Variants in NAV2 observed in about 807,000 individuals in gnomAD.
NAV2 encodes the protein helicase, APC down-regulated 1.
NAV2 carries 54 observed loss-of-function variants against 223.2 expected under a neutral mutation model. The observed-to-expected ratio is 0.24, with a 90% CI of 0.19 to 0.30. The LOEUF (loss-of-function observed/expected upper bound fraction) is 0.30. NAV2 is among the 10% of genes least tolerant of loss of function. The pLI is 1.00. For synonymous variants in NAV2, 1,279 were observed against 1,239.3 expected, an observed-to-expected ratio of 1.03 and a Z score of -0.67; for missense variants, 2,806 against 3,147.5, an observed-to-expected ratio of 0.89 and a Z score of 2.60.
chr11:20,046,280 G>A lies in NAV2; in HGVS notation c.3902+610G>A, dbSNP rs552779777. ...GAACCCAGGAGGCGGAGGTTGCAGTGAGCCAAGATCACACCACTGCACTCC... is the reference window on the plus strand; with the variant it reads ...GAACCCAGGAGGCGGAGGTTGCAGTAAGCCAAGATCACACCACTGCACTCC... On this transcript the variant is annotated intron_variant, in intron 14 of 37. Coordinates refer to ENST00000349880, the MANE Select transcript of NAV2 (RefSeq NM_145117.5). 6.0e-5 allele frequency among the ~76,000 whole-genome samples: 9 copies of A among 150,500 alleles called. No homozygotes were observed. The South Asian group carries it at 1.7e-3, about 28-fold the overall frequency.
At chr11:20,032,842 T>C (rs2055913493) in intron 11 of NAV2, among the ~76,000 whole-genome samples, 1 of 152,172 alleles carries the variant, frequency 6.6e-6, no homozygotes, top group African/African-American at 2.4e-5. Flanking sequence ...ATTGAGTTTG[T>C]CAGGAGGTAT....
At chr11:19,681,723 A>G (rs2048885141) in intron 1 of NAV2, among the ~76,000 whole-genome samples, 1 of 152,164 alleles carries the variant, frequency 6.6e-6, no homozygotes, top group Non-Finnish European at 1.5e-5. Context: ...TATACAGAAC[A>G]TGTATTCAGT....
At chr11:19,624,390 C>G (rs2047100708) in intron 1 of NAV2, among the ~76,000 whole-genome samples, 2 of 152,206 alleles carry the variant, frequency 1.3e-5, no homozygotes, top group Non-Finnish European at 2.9e-5. Context: ...GCAGGCAGGC[C>G]TCCTCGAGCT....
chr11:19,893,509 C>T (rs2041685493), intron 6 of NAV2, among the ~76,000 whole-genome samples: 1 of 152,168 alleles, frequency 6.6e-6, no homozygotes, highest in Admixed American at 6.5e-5. Context: ...GGGACATGGG[C>T]AGCCCTCCTA....
At chr11:19,545,024 G>C (rs911207778) in intron 1 of NAV2, among the ~76,000 whole-genome samples, 3 of 152,220 alleles carry the variant, frequency 2.0e-5, no homozygotes, top group Non-Finnish European at 4.4e-5. Flanking sequence ...TTCAGCCCCA[G>C]AGACAGCAAA....
At chr11:19,884,208 G>T (rs1189874364) in intron 5 of NAV2, 3 of 978,982 alleles carry the variant, frequency 3.1e-6, no homozygotes, top group Non-Finnish European at 4.8e-6. Context: ...CATCCCCATT[G>T]TCAGAAGACT....
At chr11:19,363,363 T>C (rs1459944224) in intron 1 of NAV2, among the ~76,000 whole-genome samples, 1 of 152,358 alleles carries the variant, frequency 6.6e-6, no homozygotes, top group South Asian at 2.1e-4. Flanking sequence ...TGCCACATTT[T>C]CTTTATCCAG....
chr11:19,694,070 C>G (rs1484953053), intron 1 of NAV2, among the ~76,000 whole-genome samples: 2 of 152,134 alleles, frequency 1.3e-5, no homozygotes, highest in African/African-American at 2.4e-5. Context: ...TCACAATAAC[C>G]CAACAGGGTG....
At chr11:19,873,529 A>G (rs896653251) in intron 4 of NAV2, among the ~76,000 whole-genome samples, 3 of 152,284 alleles carry the variant, frequency 2.0e-5, no homozygotes, top group Middle Eastern at 3.4e-3. Flanking sequence ...GAAGGAGTGT[A>G]TGCTTTGAAG....
At chr11:19,427,220 C>A (rs1329732560) in intron 1 of NAV2, among the ~76,000 whole-genome samples, 1 of 152,218 alleles carries the variant, frequency 6.6e-6, no homozygotes, top group Non-Finnish European at 1.5e-5. Flanking sequence ...GAGTCTCTTT[C>A]CTCCCCTGCA....
intron 3 of NAV2, among the ~76,000 whole-genome samples, chr11:19,861,903 C>T (rs1040747354): frequency 2.6e-5 from 4 of 152,206 alleles, no homozygotes; most frequent in African/African-American, 9.7e-5. Flanking sequence ...ATAGGGTCTA[C>T]CATCTCTAAA....
intron 14 of NAV2, among the ~76,000 whole-genome samples, chr11:20,048,107 C>T (rs1361243232): frequency 2.0e-5 from 3 of 152,172 alleles, no homozygotes; most frequent in African/African-American, 7.2e-5. Flanking sequence ...GTCTTGTGAA[C>T]CAAGCAAGAT....
At chr11:20,009,641 G>A (rs2053402322) in intron 11 of NAV2, among the ~76,000 whole-genome samples, 1 of 152,092 alleles carries the variant, frequency 6.6e-6, no homozygotes, top group Middle Eastern at 3.2e-3. Context: ...GCCTGTCTAT[G>A]AGCTTCCGAT....
intron 1 of NAV2, among the ~76,000 whole-genome samples, chr11:19,522,461 T>C (rs751660269): frequency 1.1e-4 from 16 of 152,200 alleles, no homozygotes; most frequent in Non-Finnish European, 1.6e-4. Context: ...AAGAGGCTCA[T>C]AGTGTCAGCA....
At chr11:19,420,708 T>C (rs970748552) in intron 1 of NAV2, among the ~76,000 whole-genome samples, 1 of 152,164 alleles carries the variant, frequency 6.6e-6, no homozygotes, top group Non-Finnish European at 1.5e-5. Flanking sequence ...ATATCAGGTA[T>C]TAGGTATTAA....
intron 1 of NAV2, among the ~76,000 whole-genome samples, chr11:19,646,281 C>T (rs183291989): frequency 7.9e-4 from 121 of 152,354 alleles, no homozygotes; most frequent in African/African-American, 2.7e-3. Flanking sequence ...TCTAATTGCT[C>T]CTCCTTACCA....
At chr11:19,782,862 C>T (rs2056844847) in intron 1 of NAV2, among the ~76,000 whole-genome samples, 1 of 152,148 alleles carries the variant, frequency 6.6e-6, no homozygotes, top group Non-Finnish European at 1.5e-5. Context: ...AACAGGGTAA[C>T]AAGAAGGTGT....
intron 1 of NAV2, among the ~76,000 whole-genome samples, chr11:19,631,466 T>C (rs887332551): frequency 1.5e-4 from 23 of 152,328 alleles, no homozygotes; most frequent in African/African-American, 5.5e-4. Flanking sequence ...AAAATGCCCA[T>C]GTAAGACAGA....
intron 30 of NAV2, 137 bp downstream of exon 30, chr11:20,095,904 A>ATGTTCCCT: frequency 1.4e-6 from 1 of 706,336 alleles, no homozygotes. Flanking sequence ...ATGTTGCTGG[A>ATGTTCCCT]ACTTGTTCCC....
Sources: gnomAD v4.1 joint callset for allele counts (sites outside exome capture counted in the v4.1 genomes callset) on GRCh38, gnomAD v4.1.1 for gene constraint, MANE v1.5 for transcripts, NCBI Gene and HGNC (gene_info 2026-07-23, HGNC 2026-07-21) for gene names.